The following FOXN3 variants were observed in gnomAD, a reference collection of about 807,000 sequenced individuals.
FOXN3 encodes forkhead box protein N3.
FOXN3 carries 7 observed loss-of-function variants against 38.4 expected under a neutral mutation model. That is an observed-to-expected ratio of 0.18 (90% CI 0.10 to 0.34). The LOEUF (loss-of-function observed/expected upper bound fraction) is 0.34, where lower values mean the gene tolerates loss of function less well. Among genes scored for constraint, FOXN3 ranks in the 10% least tolerant of loss-of-function variants. The pLI, the probability that FOXN3 is intolerant of heterozygous loss-of-function variation, is 1.00. For synonymous variants in FOXN3, 230 were observed against 242.2 expected (o/e 0.95, Z 0.47); for missense variants, 456 against 613.4 (o/e 0.74, Z 2.71).
chr14:89,415,660 T>TTTC (rs934240327), intron 1 of FOXN3, among the ~76,000 whole-genome samples: 2 of 148,462 alleles, frequency 1.3e-5, no homozygotes, highest in African/African-American at 5.0e-5. Flanking sequence ...GCTGAGGAGT[T>TTTC]TTCCATTATT....
At chr14:89,338,622 C>T (rs562734747) in intron 3 of FOXN3, among the ~76,000 whole-genome samples, 24 of 152,170 alleles carry the variant, frequency 1.6e-4, no homozygotes, top group Middle Eastern at 3.4e-3. Context: ...GGTGAAACCT[C>T]GTCTCTACTA....
At chr14:89,310,005 C>A (rs996564922) in intron 3 of FOXN3, among the ~76,000 whole-genome samples, 3 of 152,206 alleles carry the variant, frequency 2.0e-5, no homozygotes, top group Admixed American at 6.5e-5. Context: ...TAAGTGCCAT[C>A]CTACCCATGC....
At chr14:89,265,600 AG>A (rs1203032893) in intron 4 of FOXN3, among the ~76,000 whole-genome samples, 4 of 152,236 alleles carry the variant, frequency 2.6e-5, no homozygotes, top group Non-Finnish European at 5.9e-5. Flanking sequence ...CCTGCAAGCC[AG>A]GGTTAATGCC....
At chr14:89,605,143 G>T (rs917807759) in intron 1 of FOXN3, among the ~76,000 whole-genome samples, 4 of 151,936 alleles carry the variant, frequency 2.6e-5, no homozygotes, top group African/African-American at 9.7e-5. Context: ...GGTTTAAAAT[G>T]ATAATATGTA....
intron 2 of FOXN3, among the ~76,000 whole-genome samples, chr14:89,395,551 A>G (rs989323341): frequency 1.3e-5 from 2 of 152,030 alleles, no homozygotes; most frequent in African/African-American, 4.8e-5. Context: ...TACAATGACT[A>G]TTTCTTCATG....
chr14:89,342,494 T>C (rs958911477), intron 3 of FOXN3, among the ~76,000 whole-genome samples: 1 of 152,238 alleles, frequency 6.6e-6, no homozygotes, highest in Non-Finnish European at 1.5e-5. Context: ...CATGATTTGA[T>C]ATGAAAATAA....
intron 3 of FOXN3, among the ~76,000 whole-genome samples, chr14:89,299,767 C>T (rs1372831516): frequency 2.0e-5 from 3 of 152,172 alleles, no homozygotes; most frequent in South Asian, 2.1e-4. Context: ...AACAGTTTCA[C>T]GGAGGTCTTG....
intron 3 of FOXN3, among the ~76,000 whole-genome samples, chr14:89,345,991 C>T (rs570036827): frequency 2.0e-5 from 3 of 152,258 alleles, no homozygotes; most frequent in South Asian, 2.1e-4. Flanking sequence ...CGGCAGAGAT[C>T]GCAGTGAGCC....
In FOXN3 at chr14:89,417,072, G is replaced by C. The variant is rs1006926117; in HGVS notation, c.-216C>G. ...GGCGCGGGGGTCGCGGCGCGGCATGGGACCTGCGGCGTCCGCCGGGCGCGC... is the reference window on the plus strand; with the variant it reads ...GGCGCGGGGGTCGCGGCGCGGCATGCGACCTGCGGCGTCCGCCGGGCGCGC... On this transcript the variant is annotated 5_prime_UTR_variant, in exon 1 of 6. Transcript: ENST00000557258. 1.4e-5 allele frequency: 2 copies of C among 144,026 alleles called. No individual in the cohort carries two copies. Among genetic ancestry groups the C allele is most frequent in the Non-Finnish European group, 3.1e-5 (2 of 64,904 alleles). The allele number at this position is 144,026 out of a possible 1,614,324, so 8.9% of individuals were successfully genotyped here. A position where few individuals can be genotyped will look rare whatever the true frequency, so the allele number is the denominator to read the frequency against.
chr14:89,579,344 C>CG (rs1716827641), intron 1 of FOXN3, among the ~76,000 whole-genome samples: 1 of 150,960 alleles, frequency 6.6e-6, no homozygotes, highest in Non-Finnish European at 1.5e-5. Context: ...TTTGTAGAGA[C>CG]GGGGTCTCAC....
intron 3 of FOXN3, among the ~76,000 whole-genome samples, chr14:89,312,906 C>A (rs761615638): frequency 6.6e-6 from 1 of 152,206 alleles, no homozygotes; most frequent in Non-Finnish European, 1.5e-5. Context: ...AAGCTCACAA[C>A]CACCACCTTC....
chr14:89,439,455 G>A (rs1270637391), intron 1 of FOXN3, among the ~76,000 whole-genome samples: 5 of 152,086 alleles, frequency 3.3e-5, no homozygotes, highest in African/African-American at 4.8e-5. Flanking sequence ...ACCTCTGGTC[G>A]TCCTCACTGC....
intron 5 of FOXN3, among the ~76,000 whole-genome samples, chr14:89,173,528 T>A (rs1355367692): frequency 1.3e-5 from 2 of 152,192 alleles, no homozygotes; most frequent in Non-Finnish European, 2.9e-5. Flanking sequence ...CAAAGAACTA[T>A]TAATGATCCA....
intron 3 of FOXN3, among the ~76,000 whole-genome samples, chr14:89,301,312 G>A (rs889907639): frequency 3.3e-4 from 48 of 145,936 alleles, no homozygotes; most frequent in Middle Eastern, 3.5e-3. Flanking sequence ...CTCTACAAAA[G>A]AAAAAAAAAA....
intron 2 of FOXN3, among the ~76,000 whole-genome samples, chr14:89,373,067 G>T (rs1890369120): frequency 6.6e-6 from 1 of 152,032 alleles, no homozygotes; most frequent in African/African-American, 2.4e-5. Context: ...TCAGGAGACT[G>T]AAGTGGGATG....
chr14:89,520,134 C>A (rs1160151644), intron 1 of FOXN3, among the ~76,000 whole-genome samples: 1 of 150,152 alleles, frequency 6.7e-6, no homozygotes, highest in Admixed American at 6.7e-5. Flanking sequence ...CCACCTTAGC[C>A]TCCTGAGTAA....
chr14:89,455,628 G>A (rs985294579), intron 1 of FOXN3, among the ~76,000 whole-genome samples: 8 of 152,154 alleles, frequency 5.3e-5, no homozygotes, highest in African/African-American at 1.9e-4. Flanking sequence ...TCTCTTTGCA[G>A]TATCAGCTTC....
At chr14:89,401,068 C>A (rs1391815705) in intron 2 of FOXN3, among the ~76,000 whole-genome samples, 1 of 152,184 alleles carries the variant, frequency 6.6e-6, no homozygotes, top group Non-Finnish European at 1.5e-5. Context: ...ACAAGGGTAG[C>A]ACGAATGAAC....
intron 4 of FOXN3, among the ~76,000 whole-genome samples, chr14:89,264,841 A>C (rs752309219): frequency 1.3e-5 from 2 of 152,178 alleles, no homozygotes; most frequent in Non-Finnish European, 2.9e-5. Context: ...CTTCATCATC[A>C]AATCAAAATT....
Sources: allele counts gnomAD v4.1 joint callset (sites outside exome capture counted in the v4.1 genomes callset), GRCh38; gene constraint gnomAD v4.1.1; transcripts MANE v1.5; gene names NCBI Gene and HGNC (gene_info 2026-07-23, HGNC 2026-07-21).